The following NR2F1-AS1 variants were observed in gnomAD, a reference collection of about 807,000 sequenced individuals.
NR2F1-AS1 encodes NR2F1 regulatory antisense RNA 1, also known as NR2F1 antisense RNA 1.
At chr5:93,442,977 G>A (rs1749608473) in intron 4 of NR2F1-AS1, among the ~76,000 whole-genome samples, 1 of 152,222 alleles carries the variant, frequency 6.6e-6, no homozygotes. Flanking sequence ...GCAGCTGAGG[G>A]TCCTCACTGT....
rs1008380487 is a variant in NR2F1-AS1, at chr5:93,579,834, C to G, written n.313+633G>C. Among the ~76,000 whole-genome samples, 72 of 152,212 alleles carry G rather than the reference C, an allele frequency of 4.7e-4. No individual in the cohort carries two copies. The highest frequency in any genetic ancestry group is 1.7e-3 in the African/African-American group (71 of 41,458). ...CTGCTAGGCTGCGAATCCCGGTGCT[C>G]TCTCGCCGCCGCCGCAGGTTGTCTG... On this transcript the variant is annotated intron_variant and non_coding_transcript_variant, in intron 1 of 5. Coordinates refer to ENST00000660523, the Ensembl canonical transcript of NR2F1-AS1. The surrounding 1 kb of genome is among the most constrained non-coding windows in gnomAD (Gnocchi z 5.1).
At chr5:93,503,359 AAT>A (rs1377621184) in intron 4 of NR2F1-AS1, among the ~76,000 whole-genome samples, 1 of 152,196 alleles carries the variant, frequency 6.6e-6, no homozygotes, top group Non-Finnish European at 1.5e-5. Flanking sequence ...CTGATATTAA[AAT>A]AGAGATTAAT....
At chr5:93,497,236 G>A (rs1750980250) in intron 4 of NR2F1-AS1, among the ~76,000 whole-genome samples, 1 of 152,158 alleles carries the variant, frequency 6.6e-6, no homozygotes, top group Non-Finnish European at 1.5e-5. Flanking sequence ...TGAAGGACGT[G>A]CATGAAGAAT....
At chr5:93,559,745 A>G (rs982030009) in intron 2 of NR2F1-AS1, among the ~76,000 whole-genome samples, 2 of 152,254 alleles carry the variant, frequency 1.3e-5, no homozygotes, top group African/African-American at 4.8e-5. Flanking sequence ...TCAGTGGAGC[A>G]GTCAGAATAC....
In NR2F1-AS1 at chr5:93,516,607, C is replaced by T. The variant is rs372062288; in HGVS notation, n.638+37154G>A. 3.7e-4 allele frequency among the ~76,000 whole-genome samples: 56 copies of T among 151,846 alleles called. 2 individuals carry two copies. The East Asian group carries it at 7.2e-3, about 19-fold the overall frequency. On this transcript the variant is annotated intron_variant and non_coding_transcript_variant, in intron 4 of 5. Transcript: ENST00000660523. ...AATACTGTTAGCCCTATTTTACAAA[C>T]GAGAACATTAATGGCCAAAAAAGTT...
chr5:93,516,361 A>C (rs1751401451), intron 4 of NR2F1-AS1, among the ~76,000 whole-genome samples: 1 of 151,832 alleles, frequency 6.6e-6, no homozygotes, highest in African/African-American at 2.4e-5. Context: ...AAGTGTTCTC[A>C]CCCTTTCTAA....
intron 4 of NR2F1-AS1, among the ~76,000 whole-genome samples, chr5:93,449,363 C>A (rs184263412): frequency 1.3e-5 from 2 of 152,230 alleles, no homozygotes; most frequent in East Asian, 1.9e-4. Context: ...AACACTCCAA[C>A]ATTTCTTACA....
At chr5:93,563,685 A>G (rs1752545928) in intron 1 of NR2F1-AS1, among the ~76,000 whole-genome samples, 1 of 152,226 alleles carries the variant, frequency 6.6e-6, no homozygotes, top group Admixed American at 6.5e-5. Flanking sequence ...TCTCAATCAC[A>G]TTAGATCTCT....
intron 4 of NR2F1-AS1, among the ~76,000 whole-genome samples, chr5:93,438,439 T>C (rs942946185): frequency 6.6e-6 from 1 of 152,194 alleles, no homozygotes; most frequent in Non-Finnish European, 1.5e-5. Context: ...AGGCCCACCA[T>C]ATCCAGTCAA....
At chr5:93,537,290 A>G (rs2149903467) in intron 4 of NR2F1-AS1, among the ~76,000 whole-genome samples, 1 of 152,318 alleles carries the variant, frequency 6.6e-6, no homozygotes, top group African/African-American at 2.4e-5. Context: ...AACAAAAGCA[A>G]AAATACACAA....
intron 4 of NR2F1-AS1, among the ~76,000 whole-genome samples, chr5:93,489,082 C>G: frequency 6.6e-6 from 1 of 151,992 alleles, no homozygotes; most frequent in Non-Finnish European, 1.5e-5. Flanking sequence ...GAACATCACA[C>G]AGTGGGGCCT....
chr5:93,556,516 C>T (rs192547901), intron 2 of NR2F1-AS1, among the ~76,000 whole-genome samples: 28 of 152,256 alleles, frequency 1.8e-4, no homozygotes, highest in African/African-American at 6.5e-4. Flanking sequence ...CCTTAACCTC[C>T]GACTCCTGTG....
intron 2 of NR2F1-AS1, among the ~76,000 whole-genome samples, chr5:93,558,353 C>T (rs1180432439): frequency 2.7e-5 from 4 of 148,580 alleles, no homozygotes; most frequent in African/African-American, 1.0e-4. Flanking sequence ...TGGAATCTTG[C>T]TCTATCGCCC....
chr5:93,413,182 G>A (rs1748895897), intron 4 of NR2F1-AS1, among the ~76,000 whole-genome samples: 2 of 140,518 alleles, frequency 1.4e-5, no homozygotes, highest in Non-Finnish European at 3.1e-5. Flanking sequence ...AACTACATCA[G>A]AATAGACATA....
chr5:93,509,963 A>C (rs1304537143), intron 4 of NR2F1-AS1, among the ~76,000 whole-genome samples: 1 of 152,032 alleles, frequency 6.6e-6, no homozygotes, highest in Non-Finnish European at 1.5e-5. Context: ...CTAGAGCAAA[A>C]AAAATGATAC....
intron 4 of NR2F1-AS1, among the ~76,000 whole-genome samples, chr5:93,511,698 G>T (rs1032218697): frequency 6.6e-6 from 1 of 152,156 alleles, no homozygotes; most frequent in Non-Finnish European, 1.5e-5. Flanking sequence ...AAAGCAGGAG[G>T]TTAGCAGCTG....
chr5:93,476,603 T>G (rs1437223888), intron 4 of NR2F1-AS1, among the ~76,000 whole-genome samples: 1 of 152,202 alleles, frequency 6.6e-6, no homozygotes, highest in Non-Finnish European at 1.5e-5. Flanking sequence ...CATTAACAAC[T>G]TAATCTGCCT....
upstream of NR2F1-AS1, chr5:93,584,606 G>C (rs1753190571): frequency 6.8e-6 from 1 of 147,882 alleles, no homozygotes; most frequent in African/African-American, 2.5e-5. Flanking sequence ...CGAGAGAAGG[G>C]AGCTTGCTCG....
chr5:93,508,924 T>C (rs766625174), intron 4 of NR2F1-AS1, among the ~76,000 whole-genome samples: 1 of 152,062 alleles, frequency 6.6e-6, no homozygotes, highest in Non-Finnish European at 1.5e-5. Context: ...GAAACATAAA[T>C]TGGTATTGCT....
Sources: gnomAD v4.1 joint callset for allele counts (sites outside exome capture counted in the v4.1 genomes callset) on GRCh38, gnomAD v4.1.1 for gene constraint, Gnocchi (gnomAD v3.1) non-coding constraint, MANE v1.5 for transcripts, NCBI Gene and HGNC (gene_info 2026-07-23, HGNC 2026-07-21) for gene names.